The following NCOR2 variants were observed in gnomAD, a reference collection of about 807,000 sequenced individuals.
The protein encoded by NCOR2 is CTG repeat protein 26.
Under a neutral mutation model 262.9 loss-of-function variants are expected in NCOR2, and 81 were observed. That is an observed-to-expected ratio of 0.31 (90% CI 0.26 to 0.37). The LOEUF (loss-of-function observed/expected upper bound fraction) is 0.37, where lower values mean the gene tolerates loss of function less well. NCOR2 is among the 10% of genes least tolerant of loss of function. The pLI is 1.00. For synonymous variants in NCOR2, 1,659 were observed against 1,559.3 expected (o/e 1.06, Z -1.51); for missense variants, 3,385 against 3,621.4 (o/e 0.93, Z 1.68).
chr12:124,388,914 C>G, intron 16 of NCOR2: 1 of 330,930 alleles, frequency 3.0e-6, no homozygotes, highest in South Asian at 5.2e-5. Flanking sequence ...GGGAGGGACG[C>G]GGCGGGCGGA....
At chr12:124,413,942 C>A (rs538019361) in intron 13 of NCOR2, among the ~76,000 whole-genome samples, 6 of 151,642 alleles carry the variant, frequency 4.0e-5, no homozygotes, top group Admixed American at 2.6e-4. Context: ...CCCAGGACTC[C>A]CACCCACCCC....
intron 3 of NCOR2, among the ~76,000 whole-genome samples, chr12:124,480,208 C>T (rs954911901): frequency 6.6e-6 from 1 of 152,250 alleles, no homozygotes; most frequent in East Asian, 1.9e-4. Flanking sequence ...CCCACCCCTA[C>T]TCCCGCTGCA....
chr12:124,402,331 G>C (rs2042029071), intron 14 of NCOR2, 73 bp downstream of exon 16: 2 of 1,591,910 alleles, frequency 1.3e-6, no homozygotes, highest in Admixed American at 1.7e-5. Context: ...CTCTACAAAG[G>C]GTCCCCCAGA....
rs752152068 is a variant in NCOR2 at position 124,336,790 on chromosome 12, T to C, written c.6078A>G (p.Lys2026=). The change falls in exon 38 of 47, where the codon AAA becomes AAG. Residue 2026 remains lysine (K), a synonymous_variant. Transcript: ENST00000405201. The stretch of plus-strand genomic sequence containing the variant: ...GTTCCAGTTCCTGGATGGAAAAGGG[T>C]TTACTTTGAGTCTTTTCCCGGTGCG... 9 of 1,613,128 alleles carry C rather than the reference T, an allele frequency of 5.6e-6. No individual in the cohort carries two copies. In the South Asian group the frequency reaches 9.9e-5, roughly 18 times the overall value.
chr12:124,421,078 C>T (rs2043174875), intron 12 of NCOR2, among the ~76,000 whole-genome samples: 1 of 152,274 alleles, frequency 6.6e-6, no homozygotes, highest in South Asian at 2.1e-4. Context: ...CTCCTTCCTG[C>T]GCTCAGCAAT....
chr12:124,550,139 C>T (rs2051669853), intron 1 of NCOR2, among the ~76,000 whole-genome samples: 1 of 141,370 alleles, frequency 7.1e-6, no homozygotes, highest in Non-Finnish European at 1.5e-5. Context: ...TTGCCCAGAG[C>T]AGCCCCTGCA....
rs1356668291 is a variant in NCOR2 at position 124,440,122 on chromosome 12, C to T, written c.816-2126G>A. ...CCTGCTGTGCACCTTAACTTGCTGT[C>T]TGTCCCCAATCCGCGGCATTCAGTG... On this transcript the variant is annotated intron_variant, in intron 7 of 46. Transcript: ENST00000405201. The surrounding 1 kb of genome is among the most constrained non-coding windows in gnomAD (Gnocchi z 5.7). 2.6e-5 allele frequency among the ~76,000 whole-genome samples: 4 copies of T among 152,216 alleles called. No homozygotes were observed. The highest frequency in any genetic ancestry group is 5.9e-5 in the Non-Finnish European group (4 of 68,038).
At chr12:124,500,073 T>C (rs1201761962), upstream of NCOR2, among the ~76,000 whole-genome samples, 2 of 151,864 alleles carry the variant, frequency 1.3e-5, no homozygotes, top group Non-Finnish European at 2.9e-5. Context: ...CAGCAGGTGC[T>C]CAGCCATGCA....
intron 10 of NCOR2, among the ~76,000 whole-genome samples, chr12:124,428,707 C>T (rs1434496278): frequency 1.3e-5 from 2 of 152,206 alleles, no homozygotes; most frequent in Non-Finnish European, 2.9e-5. Flanking sequence ...CAGATGCAAC[C>T]GAGGAACTGA....
chr12:124,428,644 G>A lies in NCOR2; in HGVS notation c.1149+969C>T, dbSNP rs190955496. Among the ~76,000 whole-genome samples, 154 of 152,316 alleles carry A rather than the reference G, an allele frequency of 1.0e-3. 1 individual carries two copies. Among genetic ancestry groups the A allele is most frequent in the Middle Eastern group, 6.8e-3 (2 of 294 alleles). ...CAGGGAGGTGTTCGCTGTCTGCTCCGCCCAGGAGGGGAGCTGCCAACCACA... is the reference window on the plus strand; with the variant it reads ...CAGGGAGGTGTTCGCTGTCTGCTCCACCCAGGAGGGGAGCTGCCAACCACA... On this transcript the variant is annotated intron_variant, in intron 10 of 46. Transcript: ENST00000405201.
At chr12:124,333,066 G>A in intron 42 of NCOR2, 64 bp downstream of exon 44, 1 of 1,520,016 alleles carries the variant, frequency 6.6e-7, no homozygotes, top group Non-Finnish European at 8.8e-7. Flanking sequence ...CGGTGGACTG[G>A]GGCCAAGGAT....
At chr12:124,484,688 T>C (rs769829128) in intron 2 of NCOR2, among the ~76,000 whole-genome samples, 1 of 152,148 alleles carries the variant, frequency 6.6e-6, no homozygotes, top group Non-Finnish European at 1.5e-5. Context: ...GCTCCTCCCC[T>C]TCCTGTCATG....
chr12:124,377,788 G>A (rs544717792), intron 18 of NCOR2, among the ~76,000 whole-genome samples: 2 of 151,200 alleles, frequency 1.3e-5, no homozygotes, highest in East Asian at 2.0e-4. Flanking sequence ...ACACTGGGCC[G>A]TGATCACGTC....
chr12:124,558,779 TG>T (rs2051970744), intron 1 of NCOR2, among the ~76,000 whole-genome samples: 1 of 152,122 alleles, frequency 6.6e-6, no homozygotes, highest in South Asian at 2.1e-4. Context: ...CGACACGGTC[TG>T]CAGGGACAAT....
At chr12:124,493,681 A>G (rs2048215787) in intron 1 of NCOR2, among the ~76,000 whole-genome samples, 1 of 152,202 alleles carries the variant, frequency 6.6e-6, no homozygotes, top group Non-Finnish European at 1.5e-5. Context: ...TGCTCAGTTA[A>G]CAAGAGCTCT....
At chr12:124,537,183 G>GA (rs1195492169), upstream of NCOR2, among the ~76,000 whole-genome samples, 5 of 152,264 alleles carry the variant, frequency 3.3e-5, no homozygotes, top group Admixed American at 6.5e-5. Context: ...CCTCTAGGGA[G>GA]AAGGCAGCCC....
intron 3 of NCOR2, among the ~76,000 whole-genome samples, chr12:124,479,473 A>G (rs929545502): frequency 3.3e-5 from 5 of 150,856 alleles, no homozygotes; most frequent in Admixed American, 6.6e-5. Context: ...ACACACAAAC[A>G]CGCAGGGACA....
intron 22 of NCOR2, among the ~76,000 whole-genome samples, 168 bp downstream of exon 24, chr12:124,361,958 C>T (rs1378921030): frequency 6.6e-6 from 1 of 152,274 alleles, no homozygotes; most frequent in Non-Finnish European, 1.5e-5. Context: ...TGCCGCAGTC[C>T]CTACCATTCC....
chr12:124,522,474 C>T (rs572633044), intron 1 of NCOR2, among the ~76,000 whole-genome samples: 28 of 152,284 alleles, frequency 1.8e-4, no homozygotes, highest in African/African-American at 6.5e-4. Flanking sequence ...GCGTTCCTTC[C>T]GTCTTCACGT....
Sources: allele counts gnomAD v4.1 joint callset (sites outside exome capture counted in the v4.1 genomes callset), GRCh38; gene constraint gnomAD v4.1.1; non-coding constraint Gnocchi (gnomAD v3.1); transcripts MANE v1.5; gene names NCBI Gene and HGNC (gene_info 2026-07-23, HGNC 2026-07-21).